URI1: variants seen among roughly 807,000 people sequenced by gnomAD.
URI1 encodes URI1 prefoldin like chaperone.
Under a neutral mutation model 60.2 loss-of-function variants are expected in URI1, and 39 were observed. The observed-to-expected ratio is 0.65, with a 90% confidence interval of 0.50 to 0.85. The LOEUF (loss-of-function observed/expected upper bound fraction) is 0.85, where lower values mean the gene tolerates loss of function less well. URI1 is among the 40% of genes least tolerant of loss of function. The pLI is 0.00. For synonymous variants in URI1, 251 were observed against 236.8 expected, an observed-to-expected ratio of 1.06 and a Z score of -0.55; for missense variants, 691 against 665.9, an observed-to-expected ratio of 1.04 and a Z score of -0.42.
intron 2 of URI1, among the ~76,000 whole-genome samples, chr19:29,977,336 G>C (rs1030035918): frequency 6.6e-6 from 1 of 151,876 alleles, no homozygotes; most frequent in African/African-American, 2.4e-5. Context: ...GTTTTCTTGA[G>C]TTGCCTTCAC....
chr19:29,952,089 G>A (rs2055187555), intron 1 of URI1, among the ~76,000 whole-genome samples: 1 of 152,206 alleles, frequency 6.6e-6, no homozygotes. Context: ...AGAAAAAGCA[G>A]TCATCACCAT....
chr19:29,977,153 T>C (rs2055533570), intron 2 of URI1, among the ~76,000 whole-genome samples: 1 of 151,892 alleles, frequency 6.6e-6, no homozygotes, highest in African/African-American at 2.4e-5. Context: ...TTTTTTCCTG[T>C]TGGAGCTACT....
chr19:30,009,258 G>A lies in URI1; in HGVS notation c.940G>A (p.Asp314Asn). 1 of 1,613,910 alleles carries A rather than the reference G, an allele frequency of 6.2e-7. No individual in the cohort carries two copies. The highest frequency in any genetic ancestry group is 8.5e-7 in the Non-Finnish European group (1 of 1,179,906). The change falls in exon 8 of 11, where the codon GAC becomes AAC. Residue 314 changes from aspartate (D) to asparagine (N), a missense_variant. Physicochemically the swap from Asp to Asn is conservative, Grantham distance 23. Coordinates refer to ENST00000392271, the MANE Select transcript of URI1 (RefSeq NM_003796.3). ...DDDDDDDDNI[D>N]DDDGDNDHEA... is the part of the protein sequence containing the mutation. ...TGATGACGACGACGACGACAACATT[G>A]ACGACGATGATGGTGATAACGACCA... is the stretch of plus-strand genomic sequence containing the variant.
At chr19:29,966,734 T>C (rs2055395864) in intron 1 of URI1, among the ~76,000 whole-genome samples, 1 of 152,256 alleles carries the variant, frequency 6.6e-6, no homozygotes, top group Non-Finnish European at 1.5e-5. Flanking sequence ...GATACTATTT[T>C]CTTTTTGACT....
intron 1 of URI1, among the ~76,000 whole-genome samples, chr19:29,948,951 G>A (rs929278438): frequency 4.7e-4 from 71 of 150,630 alleles, no homozygotes; most frequent in African/African-American, 1.4e-3. Flanking sequence ...AGACGGGACC[G>A]CGGCCGGGCG....
intron 2 of URI1, among the ~76,000 whole-genome samples, chr19:29,971,434 T>C (rs2055458572): frequency 1.3e-5 from 2 of 152,010 alleles, no homozygotes; most frequent in African/African-American, 4.8e-5. Flanking sequence ...TTCCTGACGT[T>C]GTGTTACCAC....
rs573565937 is a variant in URI1, at chr19:29,970,867, A to G, written c.118-326A>G. ...ATTTATGTATTCTACAAAATATGTA[A>G]TATTGAAAACAGGTCTGTAGATTGT... On this transcript the variant is annotated intron_variant, in intron 1 of 10. Coordinates refer to ENST00000392271, the MANE Select transcript of URI1 (RefSeq NM_003796.3). Among the ~76,000 whole-genome samples the G allele has an allele frequency of 6.9e-4, 105 of 152,218 alleles. 1 individual carries two copies. Among genetic ancestry groups the G allele is most frequent in the African/African-American group, 2.3e-3 (97 of 41,560 alleles).
At chr19:29,973,368 C>T (rs2055482735) in intron 2 of URI1, among the ~76,000 whole-genome samples, 1 of 152,134 alleles carries the variant, frequency 6.6e-6, no homozygotes, top group African/African-American at 2.4e-5. Context: ...GTCTCACACA[C>T]TACTTTTAAA....
chr19:30,008,741 T>A (rs754561946), intron 7 of URI1, among the ~76,000 whole-genome samples: 8 of 152,180 alleles, frequency 5.3e-5, no homozygotes, highest in Non-Finnish European at 1.2e-4. Flanking sequence ...ATATTGCATA[T>A]GGCCAATATC....
intron 6 of URI1, among the ~76,000 whole-genome samples, chr19:30,007,110 A>AG (rs1375158673): frequency 6.6e-6 from 1 of 152,084 alleles, no homozygotes; most frequent in Non-Finnish European, 1.5e-5. Context: ...CCTTATAACC[A>AG]GGGTGCATTG....
intron 1 of URI1, among the ~76,000 whole-genome samples, chr19:29,964,823 G>T (rs1373587531): frequency 6.7e-6 from 1 of 149,558 alleles, no homozygotes; most frequent in Non-Finnish European, 1.5e-5. Flanking sequence ...GCTTTAATTT[G>T]ACTTTTTTGT....
chr19:29,937,363 G>C (rs1468486601), upstream of URI1, among the ~76,000 whole-genome samples: 1 of 152,166 alleles, frequency 6.6e-6, no homozygotes, highest in East Asian at 1.9e-4. Flanking sequence ...AGGCTTCCTT[G>C]GGGATGGCTT....
chr19:30,012,236 G>C lies in URI1; in HGVS notation c.1179-49G>C, dbSNP rs367552935. On this transcript the variant is annotated intron_variant, in intron 9 of 10. Coordinates refer to ENST00000392271, the MANE Select transcript of URI1 (RefSeq NM_003796.3). ...GGAAATTTTCAAAAAGTTGTTCTCA[G>C]TTTTATGAGTTACGTATAGTGAATG... 3.1e-5 allele frequency: 47 copies of C among 1,519,258 alleles called. No homozygotes were observed. The African/African-American group carries it at 6.1e-4, about 20-fold the overall frequency. The allele number at this position is 1,519,258 out of a possible 1,614,324, so 94.1% of individuals were successfully genotyped here.
At chr19:29,931,277 A>G (rs1034649380) in intron 1 of URI1, among the ~76,000 whole-genome samples, 1 of 152,152 alleles carries the variant, frequency 6.6e-6, no homozygotes, top group Non-Finnish European at 1.5e-5. Flanking sequence ...GGTGGCTTAA[A>G]CAATAGAAAT....
intron 2 of URI1, among the ~76,000 whole-genome samples, chr19:29,977,558 CT>C (rs749382980): frequency 0.1 from 11,755 of 112,434 alleles, 578 homozygotes; most frequent in East Asian, 0.24. Context: ...GTTATTTTTT[CT>C]TTTTTTTTTT....
chr19:29,938,500 G>T (rs2054993028), upstream of URI1, among the ~76,000 whole-genome samples: 1 of 152,068 alleles, frequency 6.6e-6, no homozygotes, highest in African/African-American at 2.4e-5. Context: ...TTCAACATGA[G>T]ATTTTGAGGG....
At chr19:30,012,068 T>A (rs1178176601) in intron 9 of URI1, among the ~76,000 whole-genome samples, 1 of 152,152 alleles carries the variant, frequency 6.6e-6, no homozygotes, top group Non-Finnish European at 1.5e-5. Context: ...AATAACATGC[T>A]GTGTTTTATT....
intron 3 of URI1, 112 bp from the exon 4 acceptor site, chr19:29,986,170 T>C (rs1599703341): frequency 9.5e-7 from 1 of 1,050,548 alleles, no homozygotes; most frequent in Non-Finnish European, 1.3e-6. Flanking sequence ...TTTTTCCCAA[T>C]GTATAAATAA....
At chr19:29,931,706 G>A (rs334991) in intron 1 of URI1, among the ~76,000 whole-genome samples, 145,741 of 152,284 alleles carry the variant, frequency 0.96, 69,760 homozygotes, top group East Asian at 1. Flanking sequence ...TGTAGTTTTC[G>A]ATGTACAAAC....
Sources: allele counts gnomAD v4.1 joint callset (sites outside exome capture counted in the v4.1 genomes callset), GRCh38; gene constraint gnomAD v4.1.1; transcripts MANE v1.5; gene names NCBI Gene and HGNC (gene_info 2026-07-23, HGNC 2026-07-21).